The following PLCB1 variants were observed in gnomAD, a reference collection of about 807,000 sequenced individuals.
PLCB1 encodes phospholipase C beta 1.
A neutral mutation model predicts 161.8 loss-of-function variants in PLCB1; 46 were observed. That is an observed-to-expected ratio of 0.28 (90% CI 0.22 to 0.36). The LOEUF (loss-of-function observed/expected upper bound fraction) is 0.36. Ranked by LOEUF, PLCB1 falls within the 10% of genes least tolerant of loss-of-function variation. The pLI is 1.00. For missense variants in PLCB1, 1,016 were observed against 1,472.5 expected (o/e 0.69, Z 5.07); for synonymous variants, 517 against 503.7 (o/e 1.03, Z -0.35).
chr20:8,319,514 A>G (rs1984810247), intron 2 of PLCB1, among the ~76,000 whole-genome samples: 1 of 149,358 alleles, frequency 6.7e-6, no homozygotes, highest in Admixed American at 6.6e-5. Flanking sequence ...ACTCTGGTGC[A>G]TTCTTGGCAA....
chr20:8,164,117 G>A (rs1223838736), intron 2 of PLCB1, among the ~76,000 whole-genome samples: 1 of 152,134 alleles, frequency 6.6e-6, no homozygotes, highest in East Asian at 1.9e-4. Flanking sequence ...TGACTTAAAA[G>A]GCTATTATTC....
intron 2 of PLCB1, among the ~76,000 whole-genome samples, chr20:8,304,787 G>T (rs965254859): frequency 6.6e-6 from 1 of 151,984 alleles, no homozygotes; most frequent in Non-Finnish European, 1.5e-5. Context: ...GTATGAACTG[G>T]TTACTAGGAT....
intron 2 of PLCB1, among the ~76,000 whole-genome samples, chr20:8,255,057 C>T (rs753241454): frequency 1.3e-5 from 2 of 152,038 alleles, no homozygotes; most frequent in Admixed American, 1.3e-4. Context: ...GAGCAAAGAA[C>T]AGCTCAACCC....
chr20:8,335,927 G>A lies in PLCB1; in HGVS notation c.178-35455G>A, dbSNP rs150936843. 3.8e-3 allele frequency among the ~76,000 whole-genome samples: 579 copies of A among 152,306 alleles called. 5 individuals carry two copies. Among genetic ancestry groups the A allele is most frequent in the African/African-American group, 0.013 (543 of 41,570 alleles). On this transcript the variant is annotated intron_variant, in intron 2 of 31. Transcript: ENST00000338037. ...GACTGCCTACAATAACGCTGGTCAG[G>A]GAGGATTTGGGTTCTGGCGCTGCTT...
chr20:8,476,920 G>A (rs914492169), intron 3 of PLCB1, among the ~76,000 whole-genome samples: 1 of 152,160 alleles, frequency 6.6e-6, no homozygotes, highest in African/African-American at 2.4e-5. Context: ...CAAAGATTCT[G>A]CAGTCACACT....
chr20:8,617,634 C>T (rs1988071597), intron 3 of PLCB1, among the ~76,000 whole-genome samples: 1 of 152,056 alleles, frequency 6.6e-6, no homozygotes, highest in African/African-American at 2.4e-5. Flanking sequence ...TGTTGTTGAA[C>T]ATTTACCGGC....
chr20:8,247,966 A>G (rs1980963529), intron 2 of PLCB1, among the ~76,000 whole-genome samples: 1 of 151,848 alleles, frequency 6.6e-6, no homozygotes, highest in Admixed American at 6.6e-5. Flanking sequence ...TTCTTCTTTC[A>G]CTTCCTCTCT....
intron 12 of PLCB1, among the ~76,000 whole-genome samples, chr20:8,714,073 A>G (rs1792278127): frequency 6.6e-6 from 1 of 152,118 alleles, no homozygotes; most frequent in South Asian, 2.1e-4. Flanking sequence ...CAGTCAGGAA[A>G]AATGTCATCT....
At chr20:8,397,241 G>T (rs918018539) in intron 3 of PLCB1, among the ~76,000 whole-genome samples, 1 of 151,820 alleles carries the variant, frequency 6.6e-6, no homozygotes, top group Non-Finnish European at 1.5e-5. Flanking sequence ...AAAATCCAAC[G>T]TTTCTTTGCA....
chr20:8,663,610 G>A (rs1989740386), intron 9 of PLCB1, among the ~76,000 whole-genome samples: 1 of 152,062 alleles, frequency 6.6e-6, no homozygotes, highest in South Asian at 2.1e-4. Flanking sequence ...AATAATCAGA[G>A]GATTTCTGTG....
intron 31 of PLCB1, among the ~76,000 whole-genome samples, chr20:8,807,035 T>C (rs1420255951): frequency 6.6e-6 from 1 of 152,240 alleles, no homozygotes; most frequent in Non-Finnish European, 1.5e-5. Context: ...CCGAGGGCTG[T>C]TGTGTGTCTC....
At chr20:8,588,950 C>T (rs1462959962) in intron 3 of PLCB1, among the ~76,000 whole-genome samples, 2 of 152,156 alleles carry the variant, frequency 1.3e-5, no homozygotes, top group Non-Finnish European at 2.9e-5. Context: ...ATCCCCAGCA[C>T]AAAAATCTAC....
intron 3 of PLCB1, among the ~76,000 whole-genome samples, chr20:8,460,998 C>T (rs967461116): frequency 9.2e-5 from 14 of 152,024 alleles, no homozygotes; most frequent in African/African-American, 2.4e-4. Flanking sequence ...GCCACTTGCC[C>T]GATGTGGTTA....
intron 6 of PLCB1, 112 bp from the exon 7 acceptor site, chr20:8,649,262 A>G: frequency 1.5e-6 from 1 of 664,918 alleles, no homozygotes; most frequent in East Asian, 2.6e-5. Flanking sequence ...TTCTTTAAAT[A>G]TGAATAATAA....
At chr20:8,371,351 T>C in intron 2 of PLCB1, 31 bp from the exon 3 acceptor site, 1 of 1,531,012 alleles carries the variant, frequency 6.5e-7, no homozygotes, top group Non-Finnish European at 9.0e-7. Flanking sequence ...TCTGTGTCGT[T>C]GCTTAACGAT....
chr20:8,618,513 A>G (rs1441206576), intron 3 of PLCB1, among the ~76,000 whole-genome samples: 1 of 152,168 alleles, frequency 6.6e-6, no homozygotes, highest in East Asian at 1.9e-4. Context: ...AAAGGAAAAA[A>G]AAAAAGTTAG....
intron 2 of PLCB1, among the ~76,000 whole-genome samples, chr20:8,293,351 T>A (rs967382055): frequency 1.3e-5 from 2 of 152,180 alleles, no homozygotes; most frequent in African/African-American, 4.8e-5. Flanking sequence ...GAAGAATGAC[T>A]GGTTCAGCTT....
intron 3 of PLCB1, among the ~76,000 whole-genome samples, chr20:8,523,492 CTCTCT>C (rs1568492979): frequency 0.028 from 1,677 of 59,812 alleles, 180 homozygotes; most frequent in Non-Finnish European, 0.037. Flanking sequence ...CTCTCTCTCT[CTCTCT>C]ATATATATAT....
intron 3 of PLCB1, among the ~76,000 whole-genome samples, chr20:8,508,493 G>A (rs1012776388): frequency 6.6e-6 from 1 of 152,130 alleles, no homozygotes; most frequent in African/African-American, 2.4e-5. Flanking sequence ...ATCTTTAGAT[G>A]GTAAAGATGG....
Sources: gnomAD v4.1 joint callset for allele counts (sites outside exome capture counted in the v4.1 genomes callset) on GRCh38, gnomAD v4.1.1 for gene constraint, MANE v1.5 for transcripts, NCBI Gene and HGNC (gene_info 2026-07-23, HGNC 2026-07-21) for gene names.